The following HK1 variants were observed in gnomAD, a reference collection of about 807,000 sequenced individuals.
The protein encoded by HK1 is hexokinase-1.
HK1 carries 28 observed loss-of-function variants against 91.6 expected under a neutral mutation model. The observed-to-expected ratio is 0.31, with a 90% CI of 0.23 to 0.42. HK1 has a LOEUF of 0.42. Among genes scored for constraint, HK1 ranks in the 10% least tolerant of loss-of-function variants. HK1 has a pLI of 1.00. For synonymous variants in HK1, 430 were observed against 468.1 expected (o/e 0.92, Z 1.05); for missense variants, 770 against 1,219.8 (o/e 0.63, Z 5.49).
At chr10:69,274,256 C>T (rs907731922) in intron 1 of HK1, among the ~76,000 whole-genome samples, 3 of 152,098 alleles carry the variant, frequency 2.0e-5, no homozygotes, top group African/African-American at 7.2e-5. Context: ...CCAGCCTGGG[C>T]AACATAGATC....
chr10:69,316,098 A>G (rs1846627135), upstream of HK1: 2 of 1,093,892 alleles, frequency 1.8e-6, no homozygotes, highest in Non-Finnish European at 2.8e-6. Flanking sequence ...TGAGTGGAGA[A>G]GGCAGGGCAA....
At chr10:69,291,366 C>T (rs535201451) in intron 3 of HK1, among the ~76,000 whole-genome samples, 1 of 152,290 alleles carries the variant, frequency 6.6e-6, no homozygotes, top group Non-Finnish European at 1.5e-5. Flanking sequence ...TGATTTGGTC[C>T]CATCAATTAG....
chr10:69,292,446 C>A, intron 3 of HK1: 2 of 363,196 alleles, frequency 5.5e-6, no homozygotes, highest in South Asian at 2.1e-5. Flanking sequence ...GAGATACACA[C>A]ATGGATTACC....
At chr10:69,347,439 ATT>A (rs556840743) in intron 2 of HK1, among the ~76,000 whole-genome samples, 22 of 140,348 alleles carry the variant, frequency 1.6e-4, no homozygotes, top group African/African-American at 4.2e-4. Context: ...TAGGAGACAG[ATT>A]TTTTTTTTTT....
rs369012361 is a variant in HK1 at position 69,382,435 on chromosome 10, C to T, written c.1266-52C>T. 8.9e-6 allele frequency: 14 copies of T among 1,578,390 alleles called. No individual in the cohort carries two copies. The African/African-American group carries it at 1.2e-4, about 14-fold the overall frequency. The stretch of plus-strand genomic sequence containing the variant: ...AGAAAGAAAGGGTGGCCGGAGGTCC[C>T]CAATAAATGCTCAGTCCAGCTGTTG... On this transcript the variant is annotated intron_variant, in intron 9 of 17. Transcript: ENST00000359426.
upstream of HK1, chr10:69,315,992 G>A (rs374788115): frequency 2.5e-5 from 40 of 1,614,080 alleles, no homozygotes; most frequent in Middle Eastern, 4.9e-4. Context: ...CCCTGTCGAG[G>A]TGCTGAGGCC....
Position 69,380,198 on chromosome 10 carries a change from A to G in HK1, c.1265+103A>G. Reference sequence around the variant, plus strand: ...ACCCGGTAAACGTTTTTCGGCAGACAAGACAATGGTGGTCGGGGGCTGTGG... The same window carrying G: ...ACCCGGTAAACGTTTTTCGGCAGACGAGACAATGGTGGTCGGGGGCTGTGG... On this transcript the variant is annotated intron_variant, in intron 9 of 17. Transcript: ENST00000359426. The surrounding 1 kb of genome is among the most constrained non-coding windows in gnomAD (Gnocchi z 4.0). 2 of 920,236 alleles carry G rather than the reference A, an allele frequency of 2.2e-6. No individual in the cohort carries two copies. The highest frequency in any genetic ancestry group is 2.6e-5 in the East Asian group (1 of 38,502). The allele number at this position is 920,236 out of a possible 1,614,324, so 57.0% of individuals were successfully genotyped here.
chr10:69,280,468 G>A (rs533618850), intron 1 of HK1, among the ~76,000 whole-genome samples: 2 of 152,272 alleles, frequency 1.3e-5, no homozygotes, highest in Admixed American at 6.5e-5. Context: ...TCTTGTCTTG[G>A]GTGGGTGCTA....
intron 14 of HK1, 129 bp from the exon 15 acceptor site, chr10:69,391,996 A>G: frequency 1.2e-6 from 1 of 842,508 alleles, no homozygotes; most frequent in Admixed American, 2.2e-5. Context: ...GGAAAGAAAA[A>G]CTATTACTTT....
intron 7 of HK1, among the ~76,000 whole-genome samples, chr10:69,375,489 C>T (rs559728814): frequency 6.0e-4 from 91 of 152,294 alleles, no homozygotes; most frequent in Non-Finnish European, 9.6e-4. Flanking sequence ...CTCTGCCTGG[C>T]TGCAGCCAGG....
chr10:69,300,210 C>T (rs766670274), intron 4 of HK1, among the ~76,000 whole-genome samples: 38 of 151,788 alleles, frequency 2.5e-4, no homozygotes, highest in Non-Finnish European at 4.1e-4. Context: ...CCAGTCAATA[C>T]TTCCCATTTC....
At chr10:69,329,257 G>C (rs989268560) in intron 1 of HK1, among the ~76,000 whole-genome samples, 1 of 151,772 alleles carries the variant, frequency 6.6e-6, no homozygotes, top group African/African-American at 2.4e-5. Context: ...CTGCCTCCCG[G>C]GTTCAAGTGA....
intron 1 of HK1, among the ~76,000 whole-genome samples, chr10:69,336,506 A>T (rs1187716947): frequency 7.0e-6 from 1 of 142,136 alleles, no homozygotes; most frequent in Non-Finnish European, 1.5e-5. Flanking sequence ...TTGCATCTTT[A>T]AAAAAAAAAA....
rs752650609 is a variant in HK1, at chr10:69,343,932, C to T, written c.169C>T (p.Pro57Ser). The T allele has an allele frequency of 3.1e-6, 5 of 1,614,054 alleles. No individual in the cohort carries two copies. The highest frequency in any genetic ancestry group is 1.7e-4 in the Middle Eastern group (1 of 6,060). The change falls in exon 2 of 18, where the codon CCA (proline) becomes TCA (serine). Residue 57 changes from proline to serine, a missense_variant. Transcript: ENST00000359426. ...MKNGLSRDFN[P>S]TATVKMLPTF... ...GAATGGCCTCTCCCGGGATTTTAAT[C>T]CAACAGCCACAGTCAAGATGTTGCC...
At chr10:69,319,477 C>G (rs1488315837) in intron 1 of HK1, among the ~76,000 whole-genome samples, 1 of 152,220 alleles carries the variant, frequency 6.6e-6, no homozygotes, top group African/African-American at 2.4e-5. Context: ...TCGGGTGCCC[C>G]GGAGAAGCTG....
intron 15 of HK1, among the ~76,000 whole-genome samples, chr10:69,392,731 C>T (rs1231740055): frequency 6.6e-6 from 1 of 152,170 alleles, no homozygotes; most frequent in Non-Finnish European, 1.5e-5. Context: ...TGGAGCTTTG[C>T]AGCTCAGGTC....
At chr10:69,376,378 C>T (rs747101035) in intron 7 of HK1, among the ~76,000 whole-genome samples, 17 of 152,060 alleles carry the variant, frequency 1.1e-4, no homozygotes, top group Admixed American at 5.2e-4. Flanking sequence ...ATTAGCTGGG[C>T]GTGGTGGTCT....
intron 3 of HK1, among the ~76,000 whole-genome samples, chr10:69,291,616 C>T (rs1427772446): frequency 6.6e-6 from 1 of 152,194 alleles, no homozygotes; most frequent in Non-Finnish European, 1.5e-5. Flanking sequence ...TCTCTCACTC[C>T]AGGACTGTGC....
chr10:69,338,447 T>C, intron 1 of HK1: 1 of 1,266,236 alleles, frequency 7.9e-7, no homozygotes, highest in South Asian at 1.3e-5. Context: ...AGGGAGCATT[T>C]GAGGGCCTGG....
Sources: allele counts gnomAD v4.1 joint callset (sites outside exome capture counted in the v4.1 genomes callset), GRCh38; gene constraint gnomAD v4.1.1; non-coding constraint Gnocchi (gnomAD v3.1); transcripts MANE v1.5; gene names NCBI Gene and HGNC (gene_info 2026-07-23, HGNC 2026-07-21).